MTHFS: variants seen among roughly 807,000 people sequenced by gnomAD.
MTHFS encodes the protein methenyltetrahydrofolate synthetase.
In MTHFS, 7 loss-of-function variants were observed where a neutral mutation model predicts 12.7. The observed-to-expected ratio is 0.55, with a 90% confidence interval of 0.31 to 1.03. The LOEUF (loss-of-function observed/expected upper bound fraction) is 1.03. Ranked by LOEUF, MTHFS falls within the 50% of genes least tolerant of loss-of-function variation. MTHFS has a pLI of 0.05. For synonymous variants in MTHFS, 100 were observed against 97.1 expected (o/e 1.03, Z -0.18); for missense variants, 252 against 258.1 (o/e 0.98, Z 0.16).
chr15:79,896,995 C>G lies in MTHFS; in HGVS notation c.-7G>C. 1 of 1,527,178 alleles carries G rather than the reference C, an allele frequency of 6.5e-7. No homozygotes were observed. The allele number at this position is 1,527,178 out of a possible 1,614,324, so 94.6% of individuals were successfully genotyped here. A position where few individuals can be genotyped will look rare whatever the true frequency, so the allele number is the denominator to read the frequency against. On this transcript the variant is annotated 5_prime_UTR_variant, in exon 1 of 3. Coordinates refer to ENST00000258874, the MANE Select transcript of MTHFS (RefSeq NM_006441.4). ...TCACCGCTGCCGCCGCCATCTCACG[C>G]CCAAGCCGAGTCCAGTCCCGCCCTC...
intron 2 of MTHFS, among the ~76,000 whole-genome samples, chr15:79,879,037 C>G (rs1333564447): frequency 6.6e-6 from 1 of 151,936 alleles, no homozygotes; most frequent in Non-Finnish European, 1.5e-5. Context: ...CCAGAAACTG[C>G]AAAAACAATT....
At chr15:79,889,472 A>C in intron 1 of MTHFS, 118 bp from the exon 2 acceptor site, 41 of 1,242,310 alleles carry the variant, frequency 3.3e-5, no homozygotes, top group African/African-American at 4.9e-5. Context: ...AAAGAAAAAA[A>C]AAGGGGGGGG....
At chr15:79,892,885 A>G (rs1194850367) in intron 1 of MTHFS, among the ~76,000 whole-genome samples, 3 of 152,164 alleles carry the variant, frequency 2.0e-5, no homozygotes, top group Non-Finnish European at 4.4e-5. Context: ...CGGGAGGCGG[A>G]GGTTGCAGTG....
chr15:79,884,757 A>G (rs1301617562), intron 2 of MTHFS, among the ~76,000 whole-genome samples: 4 of 152,252 alleles, frequency 2.6e-5, no homozygotes, highest in Non-Finnish European at 5.9e-5. Flanking sequence ...GAACAGTGAG[A>G]CATCTAAATG....
chr15:79,871,293 C>T (rs1035026783), intron 2 of MTHFS, among the ~76,000 whole-genome samples: 1 of 151,616 alleles, frequency 6.6e-6, no homozygotes, highest in Admixed American at 6.6e-5. Flanking sequence ...TTATGAAGTA[C>T]TAGAGGGAAA....
intron 2 of MTHFS, among the ~76,000 whole-genome samples, chr15:79,850,124 G>A (rs1417762277): frequency 1.3e-5 from 2 of 152,222 alleles, no homozygotes; most frequent in Non-Finnish European, 2.9e-5. Context: ...ATTAGATAAT[G>A]CAACATATCT....
At chr15:79,862,332 T>C (rs1313547058) in intron 2 of MTHFS, among the ~76,000 whole-genome samples, 9 of 152,208 alleles carry the variant, frequency 5.9e-5, no homozygotes, top group Admixed American at 5.9e-4. Context: ...AAAGGGTACA[T>C]GAGAGAGGCA....
chr15:79,882,615 G>A (rs1388425314), intron 2 of MTHFS, among the ~76,000 whole-genome samples: 2 of 152,130 alleles, frequency 1.3e-5, no homozygotes, highest in Non-Finnish European at 2.9e-5. Flanking sequence ...ACTCACACAG[G>A]GTGCAGCAAG....
At chr15:79,856,605 C>T (rs1215955459) in intron 2 of MTHFS, among the ~76,000 whole-genome samples, 1 of 152,028 alleles carries the variant, frequency 6.6e-6, no homozygotes, top group Non-Finnish European at 1.5e-5. Context: ...TTACCAGAGG[C>T]TGAAGAAAGG....
chr15:79,875,604 A>G (rs550369165), intron 2 of MTHFS, among the ~76,000 whole-genome samples: 3 of 152,302 alleles, frequency 2.0e-5, no homozygotes, highest in African/African-American at 7.2e-5. Context: ...TAAATGTAAG[A>G]GCTAAAACAA....
At chr15:79,849,220 C>A (rs1193906039) in intron 2 of MTHFS, among the ~76,000 whole-genome samples, 2 of 152,146 alleles carry the variant, frequency 1.3e-5, no homozygotes, top group African/African-American at 4.8e-5. Context: ...ACAGGTTGCT[C>A]CTGGCCTCAG....
intron 2 of MTHFS, among the ~76,000 whole-genome samples, chr15:79,879,710 C>T (rs2034264525): frequency 6.6e-6 from 1 of 152,190 alleles, no homozygotes; most frequent in Non-Finnish European, 1.5e-5. Flanking sequence ...AGGCCTAAAT[C>T]AGTGGCTTTC....
At chr15:79,880,999 T>A (rs1479979647) in intron 2 of MTHFS, among the ~76,000 whole-genome samples, 1 of 152,200 alleles carries the variant, frequency 6.6e-6, no homozygotes, top group East Asian at 1.9e-4. Context: ...TTTACTACCC[T>A]AGCTTGAAAT....
intron 2 of MTHFS, among the ~76,000 whole-genome samples, chr15:79,869,806 A>C (rs949216239): frequency 2.0e-5 from 3 of 152,218 alleles, no homozygotes; most frequent in African/African-American, 7.2e-5. Flanking sequence ...CAGGATAGAC[A>C]GAAGAAGAAC....
At chr15:79,862,105 C>A (rs949769468) in intron 2 of MTHFS, among the ~76,000 whole-genome samples, 1 of 151,798 alleles carries the variant, frequency 6.6e-6, no homozygotes, top group Admixed American at 6.6e-5. Flanking sequence ...CTAACACCAA[C>A]ATAGACTAAG....
At chr15:79,856,140 C>A (rs537649535) in intron 2 of MTHFS, among the ~76,000 whole-genome samples, 4 of 152,256 alleles carry the variant, frequency 2.6e-5, no homozygotes, top group Admixed American at 2.6e-4. Flanking sequence ...ACCAGCAATG[C>A]ATAAGCGTTC....
chr15:79,858,594 TA>T (rs1367679593), intron 2 of MTHFS, among the ~76,000 whole-genome samples: 2 of 152,130 alleles, frequency 1.3e-5, no homozygotes, highest in East Asian at 1.9e-4. Context: ...ATGTGCCAAT[TA>T]AATAACTAAA....
chr15:79,872,344 G>A (rs1338091643), intron 2 of MTHFS, among the ~76,000 whole-genome samples: 2 of 152,126 alleles, frequency 1.3e-5, no homozygotes, highest in East Asian at 3.9e-4. Context: ...ATGACCTTCT[G>A]GTCTTGTAGG....
intron 1 of MTHFS, among the ~76,000 whole-genome samples, chr15:79,894,437 C>G (rs1226066067): frequency 6.6e-6 from 1 of 151,934 alleles, no homozygotes; most frequent in Non-Finnish European, 1.5e-5. Context: ...GTAAAATGTT[C>G]CTTGTATGTG....
Sources: allele counts gnomAD v4.1 joint callset (sites outside exome capture counted in the v4.1 genomes callset), GRCh38; gene constraint gnomAD v4.1.1; transcripts MANE v1.5; gene names NCBI Gene and HGNC (gene_info 2026-07-23, HGNC 2026-07-21).